Variants in FAR2 observed in about 807,000 individuals in gnomAD.
The protein encoded by FAR2 is fatty acyl-CoA reductase 2.
Under a neutral mutation model 56.0 loss-of-function variants are expected in FAR2, and 19 were observed. The ratio of observed to expected loss-of-function variants is 0.34; its 90% CI spans 0.24 to 0.50. The LOEUF is 0.50. Ranked by LOEUF, FAR2 falls within the 20% of genes least tolerant of loss-of-function variation. The pLI, the probability that FAR2 is intolerant of heterozygous loss-of-function variation, is 0.98. For synonymous variants in FAR2, 219 were observed against 218.8 expected, an observed-to-expected ratio of 1.00 and a Z score of -0.01; for missense variants, 508 against 642.2, an observed-to-expected ratio of 0.79 and a Z score of 2.26.
At chr12:29,191,808 G>C (rs2136607889) in intron 1 of FAR2, among the ~76,000 whole-genome samples, 1 of 152,250 alleles carries the variant, frequency 6.6e-6, no homozygotes, top group South Asian at 2.1e-4. Flanking sequence ...AGAGTAACTT[G>C]AACTAAAAAT....
intron 4 of FAR2, among the ~76,000 whole-genome samples, chr12:29,297,459 T>C (rs1949090179): frequency 6.6e-6 from 1 of 152,214 alleles, no homozygotes; most frequent in Admixed American, 6.5e-5. Flanking sequence ...ATACTATACA[T>C]AGAAGTTGTT....
chr12:29,270,263 T>G, intron 1 of FAR2, 149 bp from the exon 2 acceptor site: 1 of 505,912 alleles, frequency 2.0e-6, no homozygotes, highest in Non-Finnish European at 3.5e-6. Flanking sequence ...TTGGAATGAG[T>G]CGTATTGCTT....
At chr12:29,264,843 G>A (rs7976227) in intron 1 of FAR2, among the ~76,000 whole-genome samples, 87,142 of 151,508 alleles carry the variant, frequency 0.58, 25,878 homozygotes, top group African/African-American at 0.72. Context: ...AAGATACCAA[G>A]TCAACATATA....
intron 1 of FAR2, among the ~76,000 whole-genome samples, chr12:29,262,309 CATACAATGG>C (rs1225051122): frequency 6.6e-6 from 1 of 151,870 alleles, no homozygotes; most frequent in Admixed American, 6.6e-5. Flanking sequence ...AATTGAAAAA[CATACAATGG>C]ATACCTTAAA....
intron 1 of FAR2, among the ~76,000 whole-genome samples, chr12:29,161,598 A>G (rs997902638): frequency 3.9e-5 from 6 of 152,224 alleles, no homozygotes; most frequent in Middle Eastern, 3.2e-3. Flanking sequence ...TAGAGCTGCT[A>G]TGAGCATTCT....
chr12:29,201,529 C>G (rs547945824), intron 1 of FAR2, among the ~76,000 whole-genome samples: 2 of 152,068 alleles, frequency 1.3e-5, no homozygotes, highest in Non-Finnish European at 2.9e-5. Context: ...GACTTGAGTC[C>G]GGGGCATAAA....
chr12:29,184,386 G>A (rs754606327), intron 1 of FAR2, among the ~76,000 whole-genome samples: 1 of 146,496 alleles, frequency 6.8e-6, no homozygotes, highest in East Asian at 2.0e-4. Context: ...TATATGGGCT[G>A]GTTCCTAAGA....
At chr12:29,242,283 T>C (rs1022872007) in intron 1 of FAR2, among the ~76,000 whole-genome samples, 2 of 152,226 alleles carry the variant, frequency 1.3e-5, no homozygotes, top group African/African-American at 4.8e-5. Context: ...TCCACTTCTC[T>C]TTTTGACCTC....
intron 1 of FAR2, among the ~76,000 whole-genome samples, chr12:29,238,206 G>C (rs1031824957): frequency 7.4e-6 from 1 of 135,638 alleles, no homozygotes; most frequent in African/African-American, 2.4e-5. Context: ...ACATATATGC[G>C]TAAGGCCAGA....
At chr12:29,186,368 G>A (rs1042880413) in intron 1 of FAR2, among the ~76,000 whole-genome samples, 7 of 152,128 alleles carry the variant, frequency 4.6e-5, no homozygotes, top group South Asian at 2.1e-4. Flanking sequence ...AGCTGACTCC[G>A]TCTACTGTTC....
intron 1 of FAR2, among the ~76,000 whole-genome samples, chr12:29,243,802 C>A (rs1302524476): frequency 1.3e-5 from 2 of 152,156 alleles, no homozygotes; most frequent in Non-Finnish European, 2.9e-5. Flanking sequence ...AAGTCTTTAA[C>A]ATCATGTTGA....
At chr12:29,156,766 C>G (rs374207253) in intron 1 of FAR2, 39 of 152,160 alleles carry the variant, frequency 2.6e-4, no homozygotes, top group African/African-American at 9.2e-4. Context: ...GAATCAGAAT[C>G]TTTGGCGTGA....
chr12:29,282,737 C>A (rs1346351151), intron 2 of FAR2, among the ~76,000 whole-genome samples: 1 of 152,056 alleles, frequency 6.6e-6, no homozygotes, highest in African/African-American at 2.4e-5. Flanking sequence ...CCTTCTTTTC[C>A]TTTTATGGTA....
chr12:29,312,249 T>C (rs995651021), intron 8 of FAR2, among the ~76,000 whole-genome samples: 5 of 152,128 alleles, frequency 3.3e-5, no homozygotes, highest in Admixed American at 3.3e-4. Context: ...ATGTCAGTGA[T>C]AAAATACTGA....
chr12:29,244,666 A>T (rs1948096271), intron 1 of FAR2, among the ~76,000 whole-genome samples: 2 of 152,326 alleles, frequency 1.3e-5, no homozygotes, highest in East Asian at 3.9e-4. Context: ...GGCACTAGAG[A>T]TGCAAAGTGA....
At chr12:29,282,510 C>T (rs1390282768) in intron 2 of FAR2, 1 of 152,192 alleles carries the variant, frequency 6.6e-6, no homozygotes, top group Non-Finnish European at 1.5e-5. Flanking sequence ...ATACATCTCT[C>T]CAGTCACACA....
At chr12:29,189,667 T>C (rs1328046934) in intron 1 of FAR2, among the ~76,000 whole-genome samples, 1 of 152,200 alleles carries the variant, frequency 6.6e-6, no homozygotes, top group African/African-American at 2.4e-5. Context: ...TATTTATATA[T>C]CTATCCATCT....
chr12:29,318,976 T>G (rs983004043), intron 9 of FAR2, among the ~76,000 whole-genome samples: 1 of 77,524 alleles, frequency 1.3e-5, no homozygotes, highest in African/African-American at 4.0e-5. Context: ...ACAAAAGTCT[T>G]TTTTTTTTCT....
At chr12:29,209,866 C>T (rs1050074553) in intron 1 of FAR2, among the ~76,000 whole-genome samples, 7 of 152,132 alleles carry the variant, frequency 4.6e-5, no homozygotes, top group African/African-American at 1.7e-4. Context: ...CATTTAATTT[C>T]TTATGGTTTC....
Sources: allele counts gnomAD v4.1 joint callset (sites outside exome capture counted in the v4.1 genomes callset), GRCh38; gene constraint gnomAD v4.1.1; transcripts MANE v1.5; gene names NCBI Gene and HGNC (gene_info 2026-07-23, HGNC 2026-07-21).